ANK3: variants seen among roughly 807,000 people sequenced by gnomAD.
ANK3 encodes the protein ankyrin 3, also known as ankyrin-3.
ANK3 carries 57 observed loss-of-function variants against 370.9 expected under a neutral mutation model. The ratio of observed to expected loss-of-function variants is 0.15; its 90% CI spans 0.12 to 0.19. ANK3 has a LOEUF of 0.19. Ranked by LOEUF, ANK3 falls within the 10% of genes least tolerant of loss-of-function variation. ANK3 has a pLI of 1.00. For missense variants in ANK3, 4,439 were observed against 5,302.1 expected (o/e 0.84, Z 5.06); for synonymous variants, 1,929 against 1,946.3 (o/e 0.99, Z 0.23).
At chr10:60,258,683 C>G (rs997415913) in intron 7 of ANK3, among the ~76,000 whole-genome samples, 2 of 152,224 alleles carry the variant, frequency 1.3e-5, no homozygotes, top group Non-Finnish European at 2.9e-5. Flanking sequence ...CATTCTTCCT[C>G]TTCCCCAGCT....
chr10:60,268,338 G>A (rs118092661), intron 5 of ANK3, among the ~76,000 whole-genome samples: 8 of 152,162 alleles, frequency 5.3e-5, no homozygotes, highest in African/African-American at 1.9e-4. Flanking sequence ...GGGTACAAAG[G>A]CTCCCTCCGA....
chr10:60,149,229 T>C (rs1312555096), intron 23 of ANK3, among the ~76,000 whole-genome samples: 4 of 152,106 alleles, frequency 2.6e-5, no homozygotes, highest in Admixed American at 2.0e-4. Flanking sequence ...CCCCTCCCCA[T>C]TGGGACATCT....
chr10:60,310,288 T>C (rs1306739952), intron 1 of ANK3, among the ~76,000 whole-genome samples: 1 of 152,076 alleles, frequency 6.6e-6, no homozygotes, highest in South Asian at 2.1e-4. Flanking sequence ...CACCCGCAGG[T>C]TTCCAGGAAT....
chr10:60,256,468 G>C (rs1300937019), intron 7 of ANK3, among the ~76,000 whole-genome samples: 1 of 152,224 alleles, frequency 6.6e-6, no homozygotes, highest in Non-Finnish European at 1.5e-5. Flanking sequence ...GGTTTGGACA[G>C]AACATAATTC....
intron 2 of ANK3, among the ~76,000 whole-genome samples, chr10:60,421,703 G>A (rs979558810): frequency 1.3e-5 from 2 of 152,014 alleles, no homozygotes; most frequent in Admixed American, 6.6e-5. Context: ...CACTCCAAGG[G>A]TGTGTTAATC....
intron 1 of ANK3, among the ~76,000 whole-genome samples, chr10:60,283,334 T>G (rs923743771): frequency 7.0e-6 from 1 of 143,670 alleles, no homozygotes; most frequent in South Asian, 2.3e-4. Flanking sequence ...CTATAGCTGG[T>G]TTTTTTAACC....
intron 1 of ANK3, among the ~76,000 whole-genome samples, chr10:60,713,250 A>G (rs953369126): frequency 6.6e-6 from 1 of 152,330 alleles, no homozygotes; most frequent in South Asian, 2.1e-4. Context: ...GAAATCATAC[A>G]AAGTATGCTC....
chr10:60,640,072 G>C (rs569402270), intron 1 of ANK3, among the ~76,000 whole-genome samples: 1 of 152,040 alleles, frequency 6.6e-6, no homozygotes, highest in African/African-American at 2.4e-5. Context: ...AAATTCATAT[G>C]AGAAAAGTAG....
At chr10:60,662,545 C>A (rs557219123) in intron 1 of ANK3, among the ~76,000 whole-genome samples, 68 of 152,240 alleles carry the variant, frequency 4.5e-4, no homozygotes, top group African/African-American at 1.5e-3. Flanking sequence ...TATTTCTAAA[C>A]ACATTCATTA....
intron 2 of ANK3, among the ~76,000 whole-genome samples, chr10:60,573,805 C>A (rs1325051603): frequency 6.6e-6 from 1 of 151,960 alleles, no homozygotes; most frequent in East Asian, 1.9e-4. Context: ...GACAGAAGTA[C>A]AAAGTGAGAG....
intron 1 of ANK3, among the ~76,000 whole-genome samples, chr10:60,282,420 G>A (rs576061205): frequency 2.0e-5 from 3 of 152,108 alleles, no homozygotes; most frequent in Admixed American, 6.6e-5. Flanking sequence ...ACAAATCTTC[G>A]AATTCAGTGG....
chr10:60,081,993 T>C, intron 35 of ANK3, 157 bp downstream of exon 35: 1 of 481,228 alleles, frequency 2.1e-6, no homozygotes, highest in Non-Finnish European at 3.6e-6. Context: ...GGAAGAAGAG[T>C]GAACCATTTA....
intron 2 of ANK3, among the ~76,000 whole-genome samples, chr10:60,502,217 C>T (rs1304359355): frequency 2.6e-5 from 4 of 152,164 alleles, no homozygotes; most frequent in Non-Finnish European, 5.9e-5. Flanking sequence ...CATGTAGTTA[C>T]AGCCCCTGTA....
At chr10:60,081,749 C>A in intron 35 of ANK3, 1 of 285,898 alleles carries the variant, frequency 3.5e-6, no homozygotes, top group Non-Finnish European at 6.9e-6. Flanking sequence ...TTGGCGGGTT[C>A]GAAGGTAGTG....
At chr10:60,534,421 G>C (rs2076677554) in intron 2 of ANK3, among the ~76,000 whole-genome samples, 1 of 152,142 alleles carries the variant, frequency 6.6e-6, no homozygotes, top group Admixed American at 6.6e-5. Flanking sequence ...TGAAGGTCAA[G>C]AGTCAACTAC....
At chr10:60,216,325 G>A (rs2096936311) in intron 8 of ANK3, among the ~76,000 whole-genome samples, 1 of 152,114 alleles carries the variant, frequency 6.6e-6, no homozygotes, top group Non-Finnish European at 1.5e-5. Context: ...GTGAGACAGG[G>A]CATCCTTGTT....
At chr10:60,572,153 A>G (rs1170755564) in intron 2 of ANK3, among the ~76,000 whole-genome samples, 1 of 152,218 alleles carries the variant, frequency 6.6e-6, no homozygotes, top group Non-Finnish European at 1.5e-5. Context: ...AAGGAGAAAA[A>G]AACACACCCA....
intron 2 of ANK3, among the ~76,000 whole-genome samples, chr10:60,489,463 A>G (rs1043643240): frequency 2.0e-5 from 3 of 152,222 alleles, no homozygotes; most frequent in Non-Finnish European, 4.4e-5. Context: ...AAACACAAAA[A>G]GCAGAAAAAT....
chr10:60,055,994 T>C lies in ANK3; in HGVS notation c.12729A>G (p.Gly4243=). The part of the protein sequence containing the change: ...CRDSITSYLK[G]EAGKFEANGS... ...CATTTGCTTCAAATTTGCCAGCTTC[T>C]CCTTTGAGATATGAGGTAATGGAAT... Residue 4243 remains glycine (G), a synonymous_variant, in exon 42 of 44, where the codon GGA becomes GGG. Transcript: ENST00000280772. The C allele has an allele frequency of 6.2e-7, 1 of 1,613,772 alleles. No homozygotes were observed.
Sources: allele counts gnomAD v4.1 joint callset (sites outside exome capture counted in the v4.1 genomes callset), GRCh38; gene constraint gnomAD v4.1.1; transcripts MANE v1.5; gene names NCBI Gene and HGNC (gene_info 2026-07-23, HGNC 2026-07-21).